The following POR variants were observed in gnomAD, a reference collection of about 807,000 sequenced individuals.
The protein encoded by POR is NADPH--cytochrome P450 reductase.
POR carries 56 observed loss-of-function variants against 84.0 expected under a neutral mutation model. The observed-to-expected ratio is 0.67, with a 90% CI of 0.54 to 0.83. The LOEUF (loss-of-function observed/expected upper bound fraction) is 0.83. Among genes scored for constraint, POR ranks in the 40% least tolerant of loss-of-function variants. POR has a pLI of 0.00. For synonymous variants in POR, 414 were observed against 400.5 expected, an observed-to-expected ratio of 1.03 and a Z score of -0.40; for missense variants, 938 against 944.3, an observed-to-expected ratio of 0.99 and a Z score of 0.09.
chr7:75,958,202 C>T (rs1183868446), intron 2 of POR, among the ~76,000 whole-genome samples: 10 of 152,128 alleles, frequency 6.6e-5, no homozygotes, highest in African/African-American at 9.7e-5. Context: ...CTGCAACCTC[C>T]GCCTCCCAGG....
At chr7:75,933,452 G>T (rs897767997) in intron 1 of POR, among the ~76,000 whole-genome samples, 1 of 140,804 alleles carries the variant, frequency 7.1e-6, no homozygotes. Flanking sequence ...GCAATGGCGC[G>T]ATCTCGGCTC....
chr7:75,982,242 T>G lies in POR; in HGVS notation c.750T>G (p.Leu250=), dbSNP rs1554558174. 1 of 1,612,038 alleles carries G rather than the reference T, an allele frequency of 6.2e-7. No homozygotes were observed. Among genetic ancestry groups the G allele is most frequent in the East Asian group, 2.2e-5 (1 of 44,824 alleles). Reference sequence around the variant, plus strand: ...TTTCCAGCATTCGCCAGTACGAGCTTGTGGTCCACACCGACATAGATGCGG... The same window carrying G: ...TTTCCAGCATTCGCCAGTACGAGCTGGTGGTCCACACCGACATAGATGCGG... The change falls in exon 8 of 16, where the codon CTT becomes CTG. Residue 250 remains leucine (L), a synonymous_variant. Coordinates refer to ENST00000461988, the MANE Select transcript of POR (RefSeq NM_000941.3).
intron 1 of POR, among the ~76,000 whole-genome samples, chr7:75,940,366 C>T (rs766657258): frequency 2.9e-4 from 44 of 151,908 alleles, no homozygotes; most frequent in Non-Finnish European, 5.6e-4. Flanking sequence ...GGATTCCAGG[C>T]GTGAGCCGCT....
intron 2 of POR, among the ~76,000 whole-genome samples, chr7:75,968,718 C>G (rs549389611): frequency 3.3e-5 from 5 of 152,302 alleles, no homozygotes; most frequent in Admixed American, 6.5e-5. Context: ...CCCTTTTCCC[C>G]CCTGGACCAC....
chr7:75,983,395 C>A, intron 8 of POR, 125 bp from the exon 9 acceptor site: 2 of 689,264 alleles, frequency 2.9e-6, no homozygotes, highest in Middle Eastern at 3.5e-4. Flanking sequence ...TTGATGTAAC[C>A]GGTGAGATTT....
chr7:75,923,582 A>C (rs1806975057), intron 1 of POR: 1 of 337,134 alleles, frequency 3.0e-6, no homozygotes, highest in Non-Finnish European at 5.6e-6. Context: ...CTGTAAAGGA[A>C]GGGTCAAAGG....
In POR at chr7:75,954,170, A is replaced by G. The variant is rs566582879; in HGVS notation, c.178A>G (p.Ile60Val). ...AGAAGAAGTCCCCGAGTTCACCAAA[A>G]TTCAGACATTGTAAGTGCCGCCTCT... is the stretch of plus-strand genomic sequence containing the variant. The change falls in exon 2 of 16, where the codon ATT (isoleucine) becomes GTT (valine). Residue 60 changes from isoleucine (I) to valine (V), a missense_variant. Ile to Val is a conservative substitution (Grantham distance 29). Transcript: ENST00000461988. 1 of 1,609,200 alleles carries G rather than the reference A, an allele frequency of 6.2e-7. No individual in the cohort carries two copies. Among genetic ancestry groups the G allele is most frequent in the East Asian group, 2.2e-5 (1 of 44,732 alleles).
intron 8 of POR, 110 bp downstream of exon 8, chr7:75,982,432 C>A: frequency 1.1e-6 from 1 of 910,580 alleles, no homozygotes; most frequent in South Asian, 1.6e-5. Flanking sequence ...CTCACCAGAC[C>A]CCGTGCCCCG....
intron 1 of POR, among the ~76,000 whole-genome samples, chr7:75,931,658 C>T (rs1400110656): frequency 6.6e-6 from 1 of 152,116 alleles, no homozygotes; most frequent in East Asian, 1.9e-4. Flanking sequence ...TGTGAGCCTC[C>T]GCACCTGGCC....
intron 2 of POR, among the ~76,000 whole-genome samples, chr7:75,965,400 T>A (rs1045917744): frequency 6.6e-6 from 1 of 152,114 alleles, no homozygotes; most frequent in Non-Finnish European, 1.5e-5. Context: ...AGTGACCTGG[T>A]CAAGGCTGAC....
chr7:75,958,108 G>T (rs139124850), intron 2 of POR, among the ~76,000 whole-genome samples: 1 of 152,194 alleles, frequency 6.6e-6, no homozygotes, highest in East Asian at 1.9e-4. Context: ...AGGTGTTATG[G>T]ATTGTTACTA....
At chr7:75,977,529 A>G (rs1408517253) in intron 3 of POR, among the ~76,000 whole-genome samples, 2 of 152,226 alleles carry the variant, frequency 1.3e-5, no homozygotes, top group Non-Finnish European at 2.9e-5. Context: ...TAATCCCAGC[A>G]CTTTGGGAGG....
intron 2 of POR, among the ~76,000 whole-genome samples, chr7:75,965,813 C>T (rs545753240): frequency 1.1e-4 from 17 of 152,044 alleles, no homozygotes; most frequent in African/African-American, 2.2e-4. Flanking sequence ...AGGACATGGT[C>T]GGGGGGAATG....
intron 2 of POR, among the ~76,000 whole-genome samples, chr7:75,961,225 C>CAA (rs11412145): frequency 0.049 from 5,975 of 121,188 alleles, 433 homozygotes; most frequent in African/African-American, 0.17. Context: ...GAAGTGAGAC[C>CAA]AAAAAAAAAA....
intron 8 of POR, among the ~76,000 whole-genome samples, chr7:75,982,714 C>G (rs1554558304): frequency 1.3e-5 from 2 of 152,216 alleles, no homozygotes; most frequent in Admixed American, 6.5e-5. Context: ...TGGTTGCTGC[C>G]CAGATTCCTG....
intron 2 of POR, among the ~76,000 whole-genome samples, chr7:75,966,325 G>T (rs1261724823): frequency 6.6e-6 from 1 of 152,166 alleles, no homozygotes; most frequent in Non-Finnish European, 1.5e-5. Flanking sequence ...GCTGGCTTCT[G>T]TCTGAGCTCC....
intron 10 of POR, 126 bp downstream of exon 10, chr7:75,983,982 G>T: frequency 1.4e-6 from 1 of 706,218 alleles, no homozygotes; most frequent in Non-Finnish European, 2.3e-6. Flanking sequence ...CTTGCACCGA[G>T]ACTCCACGGT....
chr7:75,948,569 G>GAGTC (rs1787280609), intron 1 of POR, among the ~76,000 whole-genome samples: 1 of 152,234 alleles, frequency 6.6e-6, no homozygotes, highest in Non-Finnish European at 1.5e-5. Flanking sequence ...GGAGGGAATA[G>GAGTC]AGTCAGCCTC....
chr7:75,926,933 G>A (rs928344418), intron 1 of POR, among the ~76,000 whole-genome samples: 1 of 152,086 alleles, frequency 6.6e-6, no homozygotes, highest in Non-Finnish European at 1.5e-5. Flanking sequence ...TTTCATCTTG[G>A]GTAATGCTGT....
Sources: gnomAD v4.1 joint callset for allele counts (sites outside exome capture counted in the v4.1 genomes callset) on GRCh38, gnomAD v4.1.1 for gene constraint, MANE v1.5 for transcripts, NCBI Gene and HGNC (gene_info 2026-07-23, HGNC 2026-07-21) for gene names.